TENM3: variants seen among roughly 807,000 people sequenced by gnomAD.
TENM3 encodes the protein teneurin transmembrane protein 3, also known as teneurin-3.
In TENM3, 63 loss-of-function variants were observed where a neutral mutation model predicts 255.1. That is an observed-to-expected ratio of 0.25 (90% CI 0.20 to 0.30). The LOEUF (loss-of-function observed/expected upper bound fraction) is 0.30. Among genes scored for constraint, TENM3 ranks in the 10% least tolerant of loss-of-function variants. TENM3 has a pLI of 1.00. For missense variants in TENM3, 2,929 were observed against 3,461.1 expected (o/e 0.85, Z 3.86); for synonymous variants, 1,306 against 1,322.3 (o/e 0.99, Z 0.27).
At chr4:182,535,431 T>C (rs1740206290) in intron 3 of TENM3, among the ~76,000 whole-genome samples, 1 of 152,208 alleles carries the variant, frequency 6.6e-6, no homozygotes, top group Non-Finnish European at 1.5e-5. Flanking sequence ...GGAGTCTTTT[T>C]TTCATAAAGA....
chr4:181,797,509 T>G, the TENM3 span, among the ~76,000 whole-genome samples: 1 of 152,164 alleles, frequency 6.6e-6, no homozygotes, highest in African/African-American at 2.4e-5. Flanking sequence ...GCAAAACATA[T>G]ACATGAATGT....
At chr4:182,101,092 GAGGGAGGGAGGGAGGA>G in the TENM3 span, among the ~76,000 whole-genome samples, 3 of 33,196 alleles carry the variant, frequency 9.0e-5, no homozygotes, top group East Asian at 6.6e-4. Flanking sequence ...GGGAGGGAGG[GAGGGAGGGAGGGAGGA>G]AGGAAAGAAG....
chr4:181,888,496 A>ATATATATG, the TENM3 span, among the ~76,000 whole-genome samples: 57 of 24,704 alleles, frequency 2.3e-3, 3 homozygotes, highest in East Asian at 5.8e-3. Context: ...AGAAATGTGT[A>ATATATATG]TATATATATA....
chr4:182,396,804 A>C (rs1038981603), intron 3 of TENM3, among the ~76,000 whole-genome samples: 1 of 152,054 alleles, frequency 6.6e-6, no homozygotes, highest in Non-Finnish European at 1.5e-5. Flanking sequence ...TCTACTAAAA[A>C]TACAAAAATT....
chr4:181,764,117 A>AT, the TENM3 span, among the ~76,000 whole-genome samples: 1 of 152,176 alleles, frequency 6.6e-6, no homozygotes, highest in African/African-American at 2.4e-5. Flanking sequence ...TAAAAGAAAG[A>AT]TTTTTCAAGG....
At chr4:182,293,150 C>A (rs770912388) in intron 1 of TENM3, among the ~76,000 whole-genome samples, 47 of 152,146 alleles carry the variant, frequency 3.1e-4, no homozygotes, top group Non-Finnish European at 6.3e-4. Flanking sequence ...AGAACCGAAG[C>A]CATTAAAAGT....
intron 3 of TENM3, among the ~76,000 whole-genome samples, chr4:182,372,480 T>C (rs147769618): frequency 6.6e-6 from 1 of 152,328 alleles, no homozygotes; most frequent in East Asian, 1.9e-4. Context: ...TTCTATTTCT[T>C]CCATAGTTCT....
chr4:182,334,750 A>G lies in TENM3; in HGVS notation c.232+10498A>G, dbSNP rs1165191536. 2.0e-5 allele frequency among the ~76,000 whole-genome samples: 3 copies of G among 152,322 alleles called. No homozygotes were observed. The East Asian group carries it at 5.8e-4, about 29-fold the overall frequency. On this transcript the variant is annotated intron_variant, in intron 2 of 27. Transcript: ENST00000511685. Reference sequence around the variant, plus strand: ...CACAACTGGTTATCCATCTGGAAGAATATAAAATTGGACCCATATCTCTCA... The same window carrying G: ...CACAACTGGTTATCCATCTGGAAGAGTATAAAATTGGACCCATATCTCTCA...
At chr4:182,426,645 C>A (rs1223153993) in intron 3 of TENM3, among the ~76,000 whole-genome samples, 1 of 152,140 alleles carries the variant, frequency 6.6e-6, no homozygotes, top group African/African-American at 2.4e-5. Flanking sequence ...AACTGTATCA[C>A]AATATTTATT....
chr4:182,292,022 A>T lies in TENM3; in HGVS notation c.-75-31924A>T, dbSNP rs1446205747. Among the ~76,000 whole-genome samples the T allele has an allele frequency of 2.0e-5, 3 of 152,170 alleles. No homozygotes were observed. In the East Asian group the frequency reaches 5.8e-4, roughly 29 times the overall value. ...CCCATAAAAAAGTTTTCCCCAAAAC[A>T]TTTTTATGCTCGTCTTTTTTCCTTT... On this transcript the variant is annotated intron_variant, in intron 1 of 27. Transcript: ENST00000511685.
the TENM3 span, among the ~76,000 whole-genome samples, chr4:181,984,182 G>A: frequency 9.9e-5 from 15 of 151,982 alleles, no homozygotes; most frequent in Non-Finnish European, 2.1e-4. Flanking sequence ...CAGTCATGCA[G>A]CACCTCTTCC....
chr4:182,657,196 C>A (rs1408049247), intron 6 of TENM3, among the ~76,000 whole-genome samples: 2 of 152,166 alleles, frequency 1.3e-5, no homozygotes, highest in Non-Finnish European at 2.9e-5. Context: ...AATTTCTTCA[C>A]ATGTAAAGAG....
chr4:181,470,597 C>G, the TENM3 span, among the ~76,000 whole-genome samples: 11 of 152,134 alleles, frequency 7.2e-5, no homozygotes, highest in Non-Finnish European at 1.3e-4. Context: ...ATTTCTTCCT[C>G]AGGATTTCCA....
chr4:182,081,963 C>A, the TENM3 span: 1 of 152,250 alleles, frequency 6.6e-6, no homozygotes, highest in African/African-American at 2.4e-5. Flanking sequence ...TTGACAGAGT[C>A]ATTTTATTGG....
intron 1 of TENM3, among the ~76,000 whole-genome samples, chr4:182,290,204 C>T (rs539294838): frequency 3.1e-4 from 47 of 152,174 alleles, no homozygotes; most frequent in African/African-American, 1.0e-3. Flanking sequence ...GGTAAGTGTG[C>T]GATGAGTGCT....
intron 3 of TENM3, among the ~76,000 whole-genome samples, chr4:182,538,848 GAA>G (rs1740591118): frequency 6.6e-6 from 1 of 152,064 alleles, no homozygotes; most frequent in Non-Finnish European, 1.5e-5. Flanking sequence ...ACCATTTTCT[GAA>G]AGGGGGTATG....
intron 3 of TENM3, among the ~76,000 whole-genome samples, chr4:182,569,306 G>A (rs1744110955): frequency 6.6e-6 from 1 of 152,186 alleles, no homozygotes; most frequent in African/African-American, 2.4e-5. Context: ...TGTAATCCCA[G>A]CACTTTGGGA....
chr4:182,432,510 A>G (rs894542506), intron 3 of TENM3, among the ~76,000 whole-genome samples: 2 of 152,244 alleles, frequency 1.3e-5, no homozygotes, highest in East Asian at 3.9e-4. Flanking sequence ...ACAATGTAAT[A>G]ACTGCTGTGA....
At chr4:182,332,628 A>G (rs1246244988) in intron 2 of TENM3, among the ~76,000 whole-genome samples, 7 of 151,416 alleles carry the variant, frequency 4.6e-5, no homozygotes, top group Admixed American at 1.3e-4. Context: ...CGGGAGGTGG[A>G]GGTTGCAGTG....
Sources: gnomAD v4.1 joint callset for allele counts (sites outside exome capture counted in the v4.1 genomes callset) on GRCh38, gnomAD v4.1.1 for gene constraint, MANE v1.5 for transcripts, NCBI Gene and HGNC (gene_info 2026-07-23, HGNC 2026-07-21) for gene names.